Variants in MSH4 observed in about 807,000 individuals in gnomAD.
MSH4 encodes mutS protein homolog 4.
MSH4 carries 106 observed loss-of-function variants against 113.7 expected under a neutral mutation model. That is an observed-to-expected ratio of 0.93 (90% CI 0.80 to 1.10). MSH4 has a LOEUF of 1.10. MSH4 is among the 50% of genes least tolerant of loss of function. The pLI, the probability that MSH4 is intolerant of heterozygous loss-of-function variation, is 0.00. For missense variants in MSH4, 1,061 were observed against 1,093.7 expected (o/e 0.97, Z 0.42); for synonymous variants, 368 against 380.2 (o/e 0.97, Z 0.37).
Position 75,880,112 on chromosome 1 carries a change from A to C in MSH4, c.1740A>C (p.Arg580Ser). The C allele has an allele frequency of 1.3e-6, 2 of 1,597,348 alleles. No homozygotes were observed. The highest frequency in any genetic ancestry group is 2.3e-5 in the South Asian group (2 of 87,816). Residue 580 changes from arginine to serine, a missense_variant, in exon 13 of 20, where the codon AGA (arginine) becomes AGC (serine). Arg to Ser is a moderately radical substitution (Grantham distance 110, BLOSUM62 -1). Coordinates refer to ENST00000263187, the MANE Select transcript of MSH4 (RefSeq NM_002440.4). ...CAGATTTAATTAAAATGAATGAAAG[A>C]TGCCAAGAATCTTTGAGAGAAATCT... ...TSADLIKMNE[R>S]CQESLREIYH... is the part of the protein sequence containing the mutation.
In MSH4 at chr1:75,879,104, T is replaced by A. The variant is rs1173993369; in HGVS notation, c.1653T>A (p.Asp551Glu). ...MTTDCIALPSDQLPSEFIKIS... is the reference protein window; with the variant it reads ...MTTDCIALPSEQLPSEFIKIS... ...CAGATTGTATAGCCCTACCTAGTGA[T>A]CAACTTCCTTCAGAATTTATTAAGG... The change falls in exon 12 of 20, where the codon GAT becomes GAA. Residue 551 changes from aspartate to glutamate, a missense_variant. Coordinates refer to ENST00000263187, the MANE Select transcript of MSH4 (RefSeq NM_002440.4). 3.7e-6 allele frequency: 6 copies of A among 1,610,972 alleles called. No homozygotes were observed. The highest frequency in any genetic ancestry group is 2.5e-6 in the Non-Finnish European group (3 of 1,177,742).
intron 7 of MSH4, among the ~76,000 whole-genome samples, chr1:75,841,683 G>C (rs1363731603): frequency 6.6e-6 from 1 of 152,086 alleles, no homozygotes; most frequent in Non-Finnish European, 1.5e-5. Flanking sequence ...TGAACCTAGA[G>C]AGTACTGATC....
At chr1:75,879,360 A>C (rs1651882562) in intron 12 of MSH4, among the ~76,000 whole-genome samples, 1 of 152,218 alleles carries the variant, frequency 6.6e-6, no homozygotes, top group African/African-American at 2.4e-5. Flanking sequence ...TAAGAAAAAA[A>C]GGAAAATGAA....
At chr1:75,880,276 A>C in intron 13 of MSH4, 123 bp downstream of exon 13, 1 of 583,484 alleles carries the variant, frequency 1.7e-6, no homozygotes, top group Non-Finnish European at 3.0e-6. Flanking sequence ...ATGTTAGCAA[A>C]GGAAGTCTGT....
intron 8 of MSH4, among the ~76,000 whole-genome samples, chr1:75,863,641 A>C (rs1419028771): frequency 6.6e-6 from 1 of 152,112 alleles, no homozygotes; most frequent in Non-Finnish European, 1.5e-5. Flanking sequence ...TAATTTGTGT[A>C]TCTAATTATG....
rs1372609780 is a variant in MSH4, at chr1:75,889,116, G to T, written c.2108-135G>T. On this transcript the variant is annotated intron_variant, in intron 15 of 19. Coordinates refer to ENST00000263187, the MANE Select transcript of MSH4 (RefSeq NM_002440.4). ...TTTTATAATAAGGGATAGAACTGGGGTCATGTCTTCTAATGCCATATCTAG... is the reference window on the plus strand; with the variant it reads ...TTTTATAATAAGGGATAGAACTGGGTTCATGTCTTCTAATGCCATATCTAG... 11 of 497,398 alleles carry T rather than the reference G, an allele frequency of 2.2e-5. 1 individual carries two copies. Among genetic ancestry groups the T allele is most frequent in the Middle Eastern group, 1.1e-3 (2 of 1,814 alleles). 30.8% of individuals were successfully genotyped at this position (497,398 alleles called of 1,614,324 possible).
intron 19 of MSH4, among the ~76,000 whole-genome samples, chr1:75,910,234 AC>A (rs1259120704): frequency 2.0e-5 from 3 of 152,100 alleles, no homozygotes; most frequent in African/African-American, 7.2e-5. Flanking sequence ...TTAAATACCA[AC>A]TAATTATAAA....
chr1:75,852,729 C>T (rs1043220023), intron 8 of MSH4, among the ~76,000 whole-genome samples: 5 of 152,006 alleles, frequency 3.3e-5, no homozygotes, highest in African/African-American at 9.7e-5. Context: ...ATTTTTATTA[C>T]TGAGTTGTGA....
chr1:75,861,835 C>T (rs1302991952), intron 8 of MSH4, among the ~76,000 whole-genome samples: 1 of 152,212 alleles, frequency 6.6e-6, no homozygotes, highest in African/African-American at 2.4e-5. Flanking sequence ...TCTGGAGAAG[C>T]TGCCTGCTGC....
chr1:75,873,131 C>G (rs962439912), intron 9 of MSH4, among the ~76,000 whole-genome samples: 1 of 152,172 alleles, frequency 6.6e-6, no homozygotes, highest in Non-Finnish European at 1.5e-5. Context: ...AACAAAGAGG[C>G]CTGAATCACC....
At chr1:75,849,748 T>C (rs980514438) in intron 8 of MSH4, among the ~76,000 whole-genome samples, 1 of 152,206 alleles carries the variant, frequency 6.6e-6, no homozygotes, top group Non-Finnish European at 1.5e-5. Context: ...TGGTAGAGTT[T>C]ACATAGAACT....
intron 7 of MSH4, among the ~76,000 whole-genome samples, chr1:75,840,354 T>G (rs1237892555): frequency 2.1e-5 from 3 of 145,948 alleles, no homozygotes; most frequent in Non-Finnish European, 4.5e-5. Flanking sequence ...AAATGATGAG[T>G]TCATGTCCTT....
intron 9 of MSH4, among the ~76,000 whole-genome samples, chr1:75,867,899 G>T (rs1304500012): frequency 2.0e-5 from 3 of 151,942 alleles, no homozygotes; most frequent in Non-Finnish European, 4.4e-5. Flanking sequence ...TAATACTGAT[G>T]CAATACTATT....
At chr1:75,836,734 C>A (rs923051906) in intron 7 of MSH4, among the ~76,000 whole-genome samples, 1 of 152,154 alleles carries the variant, frequency 6.6e-6, no homozygotes, top group African/African-American at 2.4e-5. Flanking sequence ...GATTACACAA[C>A]CTCCTGATCT....
Position 75,807,110 on chromosome 1 carries a change from C to T in MSH4, c.557C>T (p.Ser186Phe), listed in dbSNP as rs1237296907. ...IDLKNPQIIL[S>F]QFADNTTYAK... ...TTAAAAAACCCCCAAATTATACTAT[C>T]CCAGTTTGCAGACAACACAACATAT... Residue 186 changes from serine to phenylalanine, a missense_variant, in exon 3 of 20, where the codon TCC (serine) becomes TTC (phenylalanine). Coordinates refer to ENST00000263187, the MANE Select transcript of MSH4 (RefSeq NM_002440.4). 1 of 1,573,630 alleles carries T rather than the reference C, an allele frequency of 6.4e-7. No homozygotes were observed. The highest frequency in any genetic ancestry group is 1.2e-5 in the South Asian group (1 of 82,676).
intron 8 of MSH4, among the ~76,000 whole-genome samples, chr1:75,861,277 C>T (rs1180534506): frequency 6.6e-6 from 1 of 152,152 alleles, no homozygotes; most frequent in East Asian, 1.9e-4. Flanking sequence ...AGTCGTCAAA[C>T]TCATTCTGCA....
At chr1:75,837,264 T>C (rs1018518253) in intron 7 of MSH4, among the ~76,000 whole-genome samples, 5 of 152,052 alleles carry the variant, frequency 3.3e-5, no homozygotes, top group African/African-American at 1.2e-4. Flanking sequence ...CAGCAGAAAA[T>C]AAATTTCTCT....
At chr1:75,808,554 G>A (rs558825692) in intron 3 of MSH4, among the ~76,000 whole-genome samples, 1 of 152,178 alleles carries the variant, frequency 6.6e-6, no homozygotes, top group East Asian at 1.9e-4. Context: ...TTGGGATTTT[G>A]GTCTTTTGGT....
intron 8 of MSH4, among the ~76,000 whole-genome samples, chr1:75,862,562 C>T (rs1371008502): frequency 6.6e-6 from 1 of 152,094 alleles, no homozygotes; most frequent in Non-Finnish European, 1.5e-5. Flanking sequence ...GATTTAGTAA[C>T]CTTTAGGGAA....
Sources: allele counts gnomAD v4.1 joint callset (sites outside exome capture counted in the v4.1 genomes callset), GRCh38; gene constraint gnomAD v4.1.1; transcripts MANE v1.5; gene names NCBI Gene and HGNC (gene_info 2026-07-23, HGNC 2026-07-21).